Variants in KMT5B observed in about 807,000 individuals in gnomAD.
KMT5B encodes the protein lysine methyltransferase 5B, also known as histone-lysine N-methyltransferase KMT5B.
A neutral mutation model predicts 83.2 loss-of-function variants in KMT5B; 10 were observed. The observed-to-expected ratio is 0.12, with a 90% CI of 0.07 to 0.20. KMT5B has a LOEUF of 0.20. Among genes scored for constraint, KMT5B ranks in the 10% least tolerant of loss-of-function variants. KMT5B has a pLI of 1.00. For missense variants in KMT5B, 753 were observed against 1,067.2 expected (o/e 0.71, Z 4.10); for synonymous variants, 349 against 388.8 (o/e 0.90, Z 1.20).
chr11:68,179,575 G>A, intron 4 of KMT5B: 1 of 1,304,044 alleles, frequency 7.7e-7, no homozygotes. Context: ...TGTATTAGCT[G>A]TGCTACTGTG....
intron 1 of KMT5B, among the ~76,000 whole-genome samples, chr11:68,196,497 C>A (rs1858728742): frequency 6.7e-6 from 1 of 148,310 alleles, no homozygotes; most frequent in African/African-American, 2.5e-5. Flanking sequence ...TAGAGGCACT[C>A]AACTGATGAA....
chr11:68,179,552 A>G, intron 4 of KMT5B: 15 of 1,304,248 alleles, frequency 1.2e-5, no homozygotes, highest in Non-Finnish European at 1.5e-5. Flanking sequence ...GGCAGTGAAG[A>G]AAAGTTGTAG....
At chr11:68,165,038 A>T (rs185025826) in intron 10 of KMT5B, among the ~76,000 whole-genome samples, 1 of 152,352 alleles carries the variant, frequency 6.6e-6, no homozygotes, top group East Asian at 1.9e-4. Flanking sequence ...AATTATTTGT[A>T]TTCTTATCTT....
At chr11:68,178,761 TA>T (rs1856621022) in intron 4 of KMT5B, among the ~76,000 whole-genome samples, 1 of 152,216 alleles carries the variant, frequency 6.6e-6, no homozygotes, top group African/African-American at 2.4e-5. Context: ...TTAAGACTGT[TA>T]TACCTATTAG....
At chr11:68,208,565 TGTAA>T (rs1230367263) in intron 1 of KMT5B, among the ~76,000 whole-genome samples, 2 of 152,060 alleles carry the variant, frequency 1.3e-5, no homozygotes, top group East Asian at 1.9e-4. Flanking sequence ...TGGGAAGAGA[TGTAA>T]GTAAGTATGT....
intron 1 of KMT5B, among the ~76,000 whole-genome samples, chr11:68,209,412 G>T (rs950301124): frequency 3.9e-5 from 6 of 152,082 alleles, no homozygotes; most frequent in Non-Finnish European, 7.4e-5. Flanking sequence ...AGATGCATAA[G>T]GGGAAAAAAA....
chr11:68,172,944 T>C (rs1855991295), intron 6 of KMT5B, among the ~76,000 whole-genome samples: 1 of 152,214 alleles, frequency 6.6e-6, no homozygotes, highest in African/African-American at 2.4e-5. Context: ...GCTACATGTT[T>C]TTCCTGGGAG....
chr11:68,170,287 G>T (rs976337037), intron 9 of KMT5B, among the ~76,000 whole-genome samples: 1 of 152,192 alleles, frequency 6.6e-6, no homozygotes, highest in South Asian at 2.1e-4. Context: ...ATATCTGTGA[G>T]AACTGAACAA....
At chr11:68,186,030 C>T (rs1215051868) in intron 2 of KMT5B, 102 bp from the exon 3 acceptor site, 3 of 1,056,984 alleles carry the variant, frequency 2.8e-6, no homozygotes, top group Non-Finnish European at 2.7e-6. Flanking sequence ...TAATAAAGAA[C>T]TGAAAAATCA....
At chr11:68,176,144 G>A (rs940493226) in intron 4 of KMT5B, among the ~76,000 whole-genome samples, 1 of 152,048 alleles carries the variant, frequency 6.6e-6, no homozygotes, top group Non-Finnish European at 1.5e-5. Flanking sequence ...ACCTCAAGTG[G>A]TCTGCCCACC....
In KMT5B at chr11:68,171,855, G is replaced by C; in HGVS notation, c.654-146C>G. ...AGTTAGCTCACTGGGATCCCCACCT[G>C]GCTATCTTCTCTCCTACCCTGGAGC... is the stretch of plus-strand genomic sequence containing the variant. On this transcript the variant is annotated intron_variant, in intron 6 of 10. Coordinates refer to ENST00000304363, the MANE Select transcript of KMT5B (RefSeq NM_017635.5). This position sits in a 1 kb window ranked among gnomAD's most constrained non-coding sequence, Gnocchi z 5.1. The C allele has an allele frequency of 1.5e-6, 1 of 652,462 alleles. No individual in the cohort carries two copies. The highest frequency in any genetic ancestry group is 2.6e-6 in the Non-Finnish European group (1 of 384,672). The allele number at this position is 652,462 out of a possible 1,614,324, so 40.4% of individuals were successfully genotyped here.
rs1859420356 is a variant in KMT5B at position 68,157,946 on chromosome 11, C to T, written c.2400G>A (p.Val800=). ...SYTEGLHENG[V]CCSDPLSLLE... is the part of the protein sequence containing the mutation. ...AGAGAGAAAGAGGATCACTGCAGCACACCCCATTTTCATGAAGCCCCTCTG... is the reference window on the plus strand; with the variant it reads ...AGAGAGAAAGAGGATCACTGCAGCATACCCCATTTTCATGAAGCCCCTCTG... The change falls in exon 11 of 11, where the codon GTG becomes GTA. Residue 800 remains valine (V), a synonymous_variant. Transcript: ENST00000304363. 1.2e-6 allele frequency: 2 copies of T among 1,614,090 alleles called. No individual in the cohort carries two copies. The highest frequency in any genetic ancestry group is 8.5e-7 in the Non-Finnish European group (1 of 1,180,046).
At chr11:68,162,489 G>T (rs991206142) in intron 10 of KMT5B, among the ~76,000 whole-genome samples, 1 of 152,174 alleles carries the variant, frequency 6.6e-6, no homozygotes, top group African/African-American at 2.4e-5. Context: ...CCCTGAGGGA[G>T]CCTCTCGGGA....
chr11:68,193,286 C>T (rs777275901), intron 1 of KMT5B, among the ~76,000 whole-genome samples: 3 of 152,306 alleles, frequency 2.0e-5, no homozygotes, highest in South Asian at 2.1e-4. Flanking sequence ...CTACACCAGA[C>T]GCAGGTCAAT....
upstream of KMT5B, chr11:68,213,376 C>T (rs1404941589): frequency 6.8e-6 from 1 of 147,294 alleles, no homozygotes; most frequent in Non-Finnish European, 1.5e-5. Flanking sequence ...CCCCCCGCCC[C>T]CAACCGGCCG....
At chr11:68,185,719 C>A in intron 3 of KMT5B, 62 bp downstream of exon 3, 2 of 1,446,790 alleles carry the variant, frequency 1.4e-6, no homozygotes, top group Non-Finnish European at 1.9e-6. Context: ...TAAAATTAGC[C>A]ATCTATGTTC....
intron 1 of KMT5B, among the ~76,000 whole-genome samples, chr11:68,199,483 G>A (rs1488704768): frequency 6.6e-6 from 1 of 152,146 alleles, no homozygotes; most frequent in East Asian, 1.9e-4. Flanking sequence ...CAAATATGGA[G>A]GAAGAGTGGG....
chr11:68,166,651 C>A, intron 10 of KMT5B: 1 of 1,086,760 alleles, frequency 9.2e-7, no homozygotes, highest in African/African-American at 1.6e-5. Flanking sequence ...GTCCTTTTGT[C>A]TTCTTGCAGG....
Position 68,158,875 on chromosome 11 carries a change from T to C in KMT5B, c.1471A>G (p.Lys491Glu), listed in dbSNP as rs777141914. The change falls in exon 11 of 11, where the codon AAA becomes GAA. Residue 491 changes from lysine (K) to glutamate (E), a missense_variant. This residue lies in a region of KMT5B where 397 missense variants were observed against 395.9 expected (regional missense o/e 1.00). Coordinates refer to ENST00000304363, the MANE Select transcript of KMT5B (RefSeq NM_017635.5). ...KVVLYKNLPIKKDKEPEGPAQ... is the reference protein window; with the variant it reads ...KVVLYKNLPIEKDKEPEGPAQ... ...GGTCCCTCTGGCTCCTTATCTTTTTTAATGGGCAAATTTTTATACAGAACT... is the reference window on the plus strand; with the variant it reads ...GGTCCCTCTGGCTCCTTATCTTTTTCAATGGGCAAATTTTTATACAGAACT... 6.2e-7 allele frequency: 1 copy of C among 1,614,220 alleles called. No homozygotes were observed. The highest frequency in any genetic ancestry group is 8.5e-7 in the Non-Finnish European group (1 of 1,180,048).
Sources: allele counts gnomAD v4.1 joint callset (sites outside exome capture counted in the v4.1 genomes callset), GRCh38; gene constraint gnomAD v4.1.1; regional missense constraint gnomAD v4.1.1; non-coding constraint Gnocchi (gnomAD v3.1); transcripts MANE v1.5; gene names NCBI Gene and HGNC (gene_info 2026-07-23, HGNC 2026-07-21).